Variants in PAK4 observed in about 807,000 individuals in gnomAD.
PAK4 encodes serine/threonine-protein kinase PAK 4.
In PAK4, 49 loss-of-function variants were observed where a neutral mutation model predicts 53.5. That is an observed-to-expected ratio of 0.92 (90% CI 0.73 to 1.16). The LOEUF (loss-of-function observed/expected upper bound fraction) is 1.16, where lower values mean the gene tolerates loss of function less well. PAK4 is among the 50% of genes most tolerant of loss of function. The pLI is 0.00. For synonymous variants in PAK4, 376 were observed against 375.6 expected, an observed-to-expected ratio of 1.00 and a Z score of -0.01; for missense variants, 824 against 850.7, an observed-to-expected ratio of 0.97 and a Z score of 0.39.
intron 1 of PAK4, among the ~76,000 whole-genome samples, chr19:39,146,771 A>T (rs1294550351): frequency 1.3e-5 from 2 of 151,974 alleles, no homozygotes; most frequent in Non-Finnish European, 2.9e-5. Context: ...TGGGAGGTTG[A>T]AGCTGCTGTG....
At chr19:39,126,801 G>A (rs752184776) in intron 1 of PAK4, among the ~76,000 whole-genome samples, 28 of 152,162 alleles carry the variant, frequency 1.8e-4, no homozygotes, top group Non-Finnish European at 3.5e-4. Context: ...GTGCCCGGTC[G>A]TATTTCACTC....
intron 1 of PAK4, among the ~76,000 whole-genome samples, chr19:39,148,642 G>A (rs2074045816): frequency 6.7e-6 from 1 of 149,964 alleles, no homozygotes; most frequent in South Asian, 2.1e-4. Context: ...TTTTTAGTAG[G>A]CACAGGATTT....
At chr19:39,162,722 G>C (rs2074304847) in intron 1 of PAK4, among the ~76,000 whole-genome samples, 1 of 152,342 alleles carries the variant, frequency 6.6e-6, no homozygotes, top group African/African-American at 2.4e-5. Flanking sequence ...GAATGTGAGT[G>C]CTGCGAGGAC....
rs183923685 is a variant in PAK4, at chr19:39,161,108, G to A, written c.-22-8424G>A. Among the ~76,000 whole-genome samples, 2 of 152,324 alleles carry A rather than the reference G, an allele frequency of 1.3e-5. No homozygotes were observed. Among genetic ancestry groups the A allele is most frequent in the East Asian group, 1.9e-4 (1 of 5,182 alleles). On this transcript the variant is annotated intron_variant, in intron 1 of 8. Transcript: ENST00000358301. This position sits in a 1 kb window ranked among gnomAD's most constrained non-coding sequence, Gnocchi z 4.5. ...CACCCAGCACTGTTTAGAGGGCTCC[G>A]CGTGGCCTGGTCTGTGTGCCTGGCA...
chr19:39,176,756 G>A (rs781208095), intron 7 of PAK4, 41 bp downstream of exon 8: 12 of 1,591,654 alleles, frequency 7.5e-6, no homozygotes, highest in South Asian at 2.2e-5. Flanking sequence ...CGTGGACAGC[G>A]TACGCTGCCA....
intron 1 of PAK4, 140 bp from the exon 3 acceptor site, chr19:39,169,392 G>C: frequency 1.5e-6 from 1 of 655,426 alleles, no homozygotes; most frequent in Non-Finnish European, 2.7e-6. Context: ...GGGCGCAGGG[G>C]GTGGGCAGGG....
chr19:39,131,529 C>T (rs999974282), intron 1 of PAK4, among the ~76,000 whole-genome samples: 13 of 152,300 alleles, frequency 8.5e-5, no homozygotes, highest in South Asian at 2.1e-4. Flanking sequence ...GGACCCTTCC[C>T]GCCTAGTCAC....
intron 1 of PAK4, among the ~76,000 whole-genome samples, chr19:39,145,937 G>C (rs2073992083): frequency 6.6e-6 from 1 of 152,184 alleles, no homozygotes; most frequent in African/African-American, 2.4e-5. Context: ...CTTCTAGCTG[G>C]ACGGCCCTGG....
chr19:39,130,376 G>A (rs1436244104), intron 1 of PAK4, among the ~76,000 whole-genome samples: 1 of 151,958 alleles, frequency 6.6e-6, no homozygotes, highest in Non-Finnish European at 1.5e-5. Flanking sequence ...GGATGGAGGC[G>A]CAGGGACCGT....
intron 1 of PAK4, among the ~76,000 whole-genome samples, chr19:39,143,158 C>T (rs2073937368): frequency 6.6e-6 from 1 of 152,040 alleles, no homozygotes; most frequent in African/African-American, 2.4e-5. Flanking sequence ...ATATTGTGTT[C>T]CCACTAGAAT....
intron 1 of PAK4, chr19:39,151,987 T>C (rs2074100279): frequency 6.6e-6 from 1 of 152,220 alleles, no homozygotes; most frequent in African/African-American, 2.4e-5. Context: ...CAGGCTGGTC[T>C]CAAACTCCTG....
chr19:39,156,311 A>G (rs2074180093), intron 1 of PAK4, among the ~76,000 whole-genome samples: 1 of 145,486 alleles, frequency 6.9e-6, no homozygotes, highest in South Asian at 2.2e-4. Context: ...TCCTGCACCT[A>G]GTGGCCCCTG....
In PAK4 at chr19:39,173,290, C is replaced by G. The variant is rs759238718; in HGVS notation, c.577C>G (p.Leu193Val). The G allele has an allele frequency of 2.5e-6, 4 of 1,605,972 alleles. No homozygotes were observed. Among genetic ancestry groups the G allele is most frequent in the Non-Finnish European group, 3.4e-6 (4 of 1,176,754 alleles). ...TGTCGGCACCCCCCAGCCTGCTGGT[C>G]TGGCCAGTGGGGCGAAACTGGCAGC... The change falls in exon 3 of 9, where the codon CTG (leucine) becomes GTG (valine). Residue 193 changes from leucine to valine, a missense_variant. Leu to Val is a conservative substitution (Grantham distance 32). Coordinates refer to ENST00000358301, the Ensembl canonical transcript of PAK4. This position sits in a 1 kb window ranked among gnomAD's most constrained non-coding sequence, Gnocchi z 6.9.
intron 1 of PAK4, among the ~76,000 whole-genome samples, chr19:39,132,287 A>G (rs2073727307): frequency 1.3e-5 from 2 of 152,170 alleles, no homozygotes; most frequent in South Asian, 4.1e-4. Flanking sequence ...TGCACACAGC[A>G]CAAAAGGATG....
chr19:39,148,697 C>A (rs367788673), intron 1 of PAK4, among the ~76,000 whole-genome samples: 1 of 150,798 alleles, frequency 6.6e-6, no homozygotes, highest in Non-Finnish European at 1.5e-5. Flanking sequence ...CCTCGTGATC[C>A]GCCTGCCTCA....
chr19:39,171,141 T>C (rs900055276), intron 2 of PAK4, among the ~76,000 whole-genome samples: 3 of 151,718 alleles, frequency 2.0e-5, no homozygotes, highest in Non-Finnish European at 2.9e-5. Context: ...TGGGGCCCCA[T>C]AGGCACTTGT....
rs755890770 is a variant in PAK4, at chr19:39,178,613, C to T, written c.*34C>T. On this transcript the variant is annotated 3_prime_UTR_variant, in exon 9 of 9. Transcript: ENST00000358301. The surrounding 1 kb of genome is among the most constrained non-coding windows in gnomAD (Gnocchi z 4.4). ...GCCCTTCCCCTCAACCAAAGAGCCC[C>T]CCGGGTCACCCCCGCCCCACTGAGG... 5 of 1,539,872 alleles carry T rather than the reference C, an allele frequency of 3.2e-6. No individual in the cohort carries two copies. Among genetic ancestry groups the T allele is most frequent in the East Asian group, 4.7e-5 (2 of 42,986 alleles).
In PAK4 at chr19:39,178,875, T is replaced by C. The variant is rs374106536; in HGVS notation, c.*296T>C. ...GGAAGGGCAGCGGCCCTCCCATCAC[T>C]GGAAGTCTGCAGTGGGGGTCGCTGG... On this transcript the variant is annotated 3_prime_UTR_variant, in exon 9 of 9. Transcript: ENST00000358301. The surrounding 1 kb of genome is among the most constrained non-coding windows in gnomAD (Gnocchi z 4.4). The C allele has an allele frequency of 1.2e-4, 45 of 378,818 alleles. 1 individual carries two copies. In the East Asian group the frequency reaches 1.7e-3, roughly 15 times the overall value. 23.5% of individuals were successfully genotyped at this position (378,818 alleles called of 1,614,324 possible).
chr19:39,127,599 C>T (rs2073612570), intron 1 of PAK4, among the ~76,000 whole-genome samples: 2 of 152,168 alleles, frequency 1.3e-5, no homozygotes, highest in Non-Finnish European at 2.9e-5. Flanking sequence ...GACTGTTGGG[C>T]ACTGTGCCGG....
Sources: gnomAD v4.1 joint callset for allele counts (sites outside exome capture counted in the v4.1 genomes callset) on GRCh38, gnomAD v4.1.1 for gene constraint, Gnocchi (gnomAD v3.1) non-coding constraint, MANE v1.5 for transcripts, NCBI Gene and HGNC (gene_info 2026-07-23, HGNC 2026-07-21) for gene names.